LPAR3: variants seen among roughly 807,000 people sequenced by gnomAD.
LPAR3 encodes the protein LPA receptor 3.
In LPAR3, 7 loss-of-function variants were observed where a neutral mutation model predicts 17.8. That is an observed-to-expected ratio of 0.39 (90% CI 0.22 to 0.74). The LOEUF (loss-of-function observed/expected upper bound fraction) is 0.74. Ranked by LOEUF, LPAR3 falls within the 30% of genes least tolerant of loss-of-function variation. LPAR3 has a pLI of 0.40. For missense variants in LPAR3, 391 were observed against 453.4 expected, an observed-to-expected ratio of 0.86 and a Z score of 1.25; for synonymous variants, 179 against 179.9, an observed-to-expected ratio of 0.99 and a Z score of 0.04.
At chr1:84,858,177 A>G (rs2102762037) in intron 2 of LPAR3, among the ~76,000 whole-genome samples, 1 of 152,224 alleles carries the variant, frequency 6.6e-6, no homozygotes, top group East Asian at 1.9e-4. Context: ...TTCTCATATT[A>G]TAAAATTATA....
chr1:84,889,353 C>T (rs764574400), intron 1 of LPAR3, among the ~76,000 whole-genome samples: 6 of 152,136 alleles, frequency 3.9e-5, no homozygotes, highest in Non-Finnish European at 5.9e-5. Flanking sequence ...CCCAAGTCAG[C>T]AAGAAGGCAC....
chr1:84,879,340 C>G (rs1660320481), intron 1 of LPAR3, among the ~76,000 whole-genome samples: 1 of 57,692 alleles, frequency 1.7e-5, no homozygotes, highest in Non-Finnish European at 3.3e-5. Flanking sequence ...GAGATGGAAT[C>G]TCGCTGTGTC....
chr1:84,861,932 G>A (rs79409940), intron 2 of LPAR3, among the ~76,000 whole-genome samples: 4,753 of 152,122 alleles, frequency 0.031, 117 homozygotes, highest in Non-Finnish European at 0.05. Context: ...AACCCCTTCC[G>A]TAACTGTTGC....
chr1:84,874,993 T>C (rs1660229234), intron 1 of LPAR3, among the ~76,000 whole-genome samples: 1 of 151,548 alleles, frequency 6.6e-6, no homozygotes. Flanking sequence ...TCCACCTTCC[T>C]GGTTCAAGCG....
At chr1:84,871,202 G>A (rs768776158) in intron 1 of LPAR3, among the ~76,000 whole-genome samples, 1 of 152,104 alleles carries the variant, frequency 6.6e-6, no homozygotes, top group South Asian at 2.1e-4. Flanking sequence ...AAACTTTGGA[G>A]CAATTACCAC....
At chr1:84,833,735 G>C (rs1659338774) in intron 2 of LPAR3, among the ~76,000 whole-genome samples, 1 of 152,138 alleles carries the variant, frequency 6.6e-6, no homozygotes, top group South Asian at 2.1e-4. Context: ...TGTCACACGG[G>C]GATAATAAGA....
chr1:84,827,914 A>G (rs1277258205), intron 2 of LPAR3, among the ~76,000 whole-genome samples: 1 of 152,196 alleles, frequency 6.6e-6, no homozygotes, highest in Non-Finnish European at 1.5e-5. Flanking sequence ...AATTTTAAGA[A>G]TTCATTCTTT....
chr1:84,891,995 C>T (rs945241485), intron 1 of LPAR3, among the ~76,000 whole-genome samples: 1 of 151,982 alleles, frequency 6.6e-6, no homozygotes, highest in Non-Finnish European at 1.5e-5. Context: ...GGGTGGATCA[C>T]GAGGTCAAGC....
At chr1:84,859,483 A>C (rs571685318) in intron 2 of LPAR3, among the ~76,000 whole-genome samples, 1 of 152,228 alleles carries the variant, frequency 6.6e-6, no homozygotes, top group Non-Finnish European at 1.5e-5. Flanking sequence ...GCAGAAAAAT[A>C]AACCTTGACC....
chr1:84,820,996 C>T (rs9727725), intron 2 of LPAR3, among the ~76,000 whole-genome samples: 119,513 of 151,880 alleles, frequency 0.79, 47,209 homozygotes, highest in African/African-American at 0.87. Context: ...AGGGCATGTT[C>T]CATAAAACTT....
At chr1:84,885,148 C>T (rs1886645) in intron 1 of LPAR3, among the ~76,000 whole-genome samples, 89,595 of 151,948 alleles carry the variant, frequency 0.59, 26,699 homozygotes, top group Middle Eastern at 0.63. Context: ...TGGCATCTAC[C>T]GGGCAGAGGC....
intron 2 of LPAR3, among the ~76,000 whole-genome samples, chr1:84,841,746 T>C (rs1214401946): frequency 6.6e-6 from 1 of 152,088 alleles, no homozygotes; most frequent in African/African-American, 2.4e-5. Context: ...TCCTGACAAA[T>C]GTGATTTCAC....
intron 2 of LPAR3, among the ~76,000 whole-genome samples, chr1:84,857,853 C>G (rs1429711666): frequency 2.0e-5 from 3 of 152,150 alleles, no homozygotes; most frequent in African/African-American, 7.2e-5. Flanking sequence ...CTGGTAATAA[C>G]AGAACTTCCC....
At chr1:84,824,499 T>C (rs757873755) in intron 2 of LPAR3, among the ~76,000 whole-genome samples, 2 of 152,136 alleles carry the variant, frequency 1.3e-5, no homozygotes, top group Non-Finnish European at 2.9e-5. Flanking sequence ...TATAGTAAAA[T>C]GAGCATAGGC....
At chr1:84,840,049 A>G (rs977500714) in intron 2 of LPAR3, among the ~76,000 whole-genome samples, 2 of 152,100 alleles carry the variant, frequency 1.3e-5, no homozygotes, top group African/African-American at 4.8e-5. Flanking sequence ...CAGCCTCCCA[A>G]TTAGCTGGGA....
chr1:84,892,236 A>C (rs867913375), intron 1 of LPAR3, among the ~76,000 whole-genome samples: 1 of 147,544 alleles, frequency 6.8e-6, no homozygotes, highest in Non-Finnish European at 1.5e-5. Context: ...TAAATAAATA[A>C]ATAAATAAAT....
intron 2 of LPAR3, among the ~76,000 whole-genome samples, chr1:84,819,681 G>A (rs985249906): frequency 1.3e-5 from 2 of 152,172 alleles, no homozygotes; most frequent in Non-Finnish European, 2.9e-5. Context: ...GAAAATGTTT[G>A]AGCACATACG....
intron 2 of LPAR3, among the ~76,000 whole-genome samples, chr1:84,834,614 G>A (rs553306213): frequency 2.6e-5 from 4 of 152,138 alleles, no homozygotes; most frequent in Non-Finnish European, 5.9e-5. Flanking sequence ...CTTTGTATGT[G>A]TGTACAAGAT....
chr1:84,814,478 C>T (rs2025689), intron 2 of LPAR3, among the ~76,000 whole-genome samples: 34,174 of 152,080 alleles, frequency 0.22, 4,523 homozygotes, highest in African/African-American at 0.37. Flanking sequence ...GCATGATCTC[C>T]GTTAGTTCTC....
Sources: allele counts gnomAD v4.1 joint callset (sites outside exome capture counted in the v4.1 genomes callset), GRCh38; gene constraint gnomAD v4.1.1; transcripts MANE v1.5; gene names NCBI Gene and HGNC (gene_info 2026-07-23, HGNC 2026-07-21).